Variants in EXOC4 observed in about 807,000 individuals in gnomAD.
The protein encoded by EXOC4 is exocyst complex component 4.
Under a neutral mutation model 107.2 loss-of-function variants are expected in EXOC4, and 71 were observed. The ratio of observed to expected loss-of-function variants is 0.66; its 90% CI spans 0.55 to 0.81. The LOEUF (loss-of-function observed/expected upper bound fraction) is 0.81. Ranked by LOEUF, EXOC4 falls within the 30% of genes least tolerant of loss-of-function variation. EXOC4 has a pLI of 0.00. For synonymous variants in EXOC4, 456 were observed against 441.2 expected, an observed-to-expected ratio of 1.03 and a Z score of -0.42; for missense variants, 1,108 against 1,189.6, an observed-to-expected ratio of 0.93 and a Z score of 1.01.
At chr7:133,707,389 T>C (rs1794790980) in intron 10 of EXOC4, among the ~76,000 whole-genome samples, 1 of 149,254 alleles carries the variant, frequency 6.7e-6, no homozygotes, top group African/African-American at 2.4e-5. Context: ...TATTGACATA[T>C]CAAAAGAAAA....
intron 6 of EXOC4, among the ~76,000 whole-genome samples, chr7:133,365,089 C>T (rs977001499): frequency 6.6e-6 from 1 of 152,054 alleles, no homozygotes; most frequent in African/African-American, 2.4e-5. Flanking sequence ...TGTTGAGAAG[C>T]GTGAAAAGCA....
At chr7:133,438,630 C>G (rs1455630778) in intron 7 of EXOC4, among the ~76,000 whole-genome samples, 2 of 152,118 alleles carry the variant, frequency 1.3e-5, no homozygotes, top group African/African-American at 4.8e-5. Context: ...TATGAAGAGC[C>G]AAACATCCCA....
rs778718228 is a variant in EXOC4 at position 133,917,621 on chromosome 7, C to A, written c.1910C>A (p.Ala637Glu). 6.2e-7 allele frequency: 1 copy of A among 1,614,000 alleles called. No homozygotes were observed. The highest frequency in any genetic ancestry group is 1.7e-5 in the Admixed American group (1 of 60,020). Residue 637 changes from alanine (A) to glutamate (E), a missense_variant, in exon 13 of 18, where the codon GCA (alanine) becomes GAA (glutamate). By Grantham distance (107) the Ala-to-Glu change is moderately radical (BLOSUM62 -1). Coordinates refer to ENST00000253861, the MANE Select transcript of EXOC4 (RefSeq NM_021807.4). The part of the protein sequence containing the change: ...VQSEEKLVIS[A>E]SWAKDDDISR... ...TCAGAAGAAAAACTTGTCATCAGTG[C>A]ATCCTGGGCAAAAGATGATGATATC...
intron 14 of EXOC4, among the ~76,000 whole-genome samples, chr7:133,984,836 A>G (rs934950385): frequency 1.3e-5 from 2 of 152,166 alleles, no homozygotes; most frequent in African/African-American, 4.8e-5. Context: ...TAAGTTGTGT[A>G]TTTGAGGAAA....
At chr7:133,388,249 C>T (rs760803455) in intron 7 of EXOC4, among the ~76,000 whole-genome samples, 16 of 152,240 alleles carry the variant, frequency 1.1e-4, no homozygotes, top group African/African-American at 2.6e-4. Context: ...TCTATCCCTC[C>T]GTATTTCCCT....
chr7:133,818,226 A>G (rs770043026), intron 11 of EXOC4, among the ~76,000 whole-genome samples: 20 of 152,220 alleles, frequency 1.3e-4, no homozygotes, highest in Non-Finnish European at 2.2e-4. Flanking sequence ...AGTTTAAATT[A>G]TAGGTATACA....
intron 7 of EXOC4, among the ~76,000 whole-genome samples, chr7:133,412,555 A>G (rs1797385993): frequency 6.6e-6 from 1 of 151,916 alleles, no homozygotes; most frequent in African/African-American, 2.4e-5. Flanking sequence ...AAAATCAAAT[A>G]TTCTTTTTAG....
At chr7:133,792,454 G>C (rs1008971325) in intron 10 of EXOC4, among the ~76,000 whole-genome samples, 3 of 150,244 alleles carry the variant, frequency 2.0e-5, no homozygotes, top group Middle Eastern at 3.2e-3. Flanking sequence ...TCAGAAAGCT[G>C]AAGTGGGAGG....
chr7:133,630,178 A>G (rs199903834), intron 10 of EXOC4, 37 bp downstream of exon 10: 19 of 1,452,974 alleles, frequency 1.3e-5, no homozygotes, highest in Non-Finnish European at 1.8e-5. Flanking sequence ...CTGAAGATCA[A>G]TATTTTCATT....
At chr7:133,826,793 A>C (rs961683618) in intron 11 of EXOC4, among the ~76,000 whole-genome samples, 1 of 152,162 alleles carries the variant, frequency 6.6e-6, no homozygotes, top group Non-Finnish European at 1.5e-5. Flanking sequence ...ACCTGGCAAT[A>C]TTTTTTCCCC....
At chr7:134,073,541 C>T in the EXOC4 span, among the ~76,000 whole-genome samples, 1 of 152,114 alleles carries the variant, frequency 6.6e-6, no homozygotes, top group Non-Finnish European at 1.5e-5. Context: ...GACGTAATGG[C>T]CTTCTGCCTG....
At chr7:133,295,038 T>C (rs1357374669) in intron 3 of EXOC4, among the ~76,000 whole-genome samples, 1 of 152,118 alleles carries the variant, frequency 6.6e-6, no homozygotes, top group East Asian at 1.9e-4. Context: ...ATATGCAGTA[T>C]AAAGTTTTTG....
intron 6 of EXOC4, among the ~76,000 whole-genome samples, chr7:133,367,076 A>C (rs897690850): frequency 1.3e-5 from 2 of 152,146 alleles, no homozygotes; most frequent in Non-Finnish European, 2.9e-5. Flanking sequence ...GATGTAGAGA[A>C]CATGAAGAAG....
At chr7:133,327,617 C>T (rs1273911896) in intron 5 of EXOC4, among the ~76,000 whole-genome samples, 1 of 152,120 alleles carries the variant, frequency 6.6e-6, no homozygotes, top group African/African-American at 2.4e-5. Context: ...AAATGTGTCC[C>T]AGAGATTTTG....
chr7:133,672,532 A>G (rs1323900675), intron 10 of EXOC4, among the ~76,000 whole-genome samples: 1 of 152,172 alleles, frequency 6.6e-6, no homozygotes, highest in Non-Finnish European at 1.5e-5. Flanking sequence ...TAAACTTGAA[A>G]GCCATCAACA....
chr7:133,842,070 T>G (rs1563022780), intron 11 of EXOC4, among the ~76,000 whole-genome samples: 1 of 152,238 alleles, frequency 6.6e-6, no homozygotes, highest in Non-Finnish European at 1.5e-5. Context: ...ACATTTAGGT[T>G]GATTCCATGT....
At chr7:133,934,759 G>A (rs1206192261) in intron 13 of EXOC4, among the ~76,000 whole-genome samples, 5 of 152,000 alleles carry the variant, frequency 3.3e-5, no homozygotes, top group Non-Finnish European at 5.9e-5. Flanking sequence ...TAAGGGGCTC[G>A]AAGAGTTGAT....
chr7:133,456,226 A>G (rs547738883), intron 7 of EXOC4, among the ~76,000 whole-genome samples: 2 of 152,322 alleles, frequency 1.3e-5, no homozygotes, highest in East Asian at 3.9e-4. Flanking sequence ...ACTGAATCCT[A>G]GAATCACTGT....
chr7:133,896,484 CTG>C (rs1181585112), intron 12 of EXOC4, among the ~76,000 whole-genome samples: 2 of 149,740 alleles, frequency 1.3e-5, no homozygotes, highest in Non-Finnish European at 2.9e-5. Flanking sequence ...ACAGTATAGA[CTG>C]TGAGGGCAGA....
Sources: gnomAD v4.1 joint callset for allele counts (sites outside exome capture counted in the v4.1 genomes callset) on GRCh38, gnomAD v4.1.1 for gene constraint, MANE v1.5 for transcripts, NCBI Gene and HGNC (gene_info 2026-07-23, HGNC 2026-07-21) for gene names.